TMEM181: variants seen among roughly 807,000 people sequenced by gnomAD.
TMEM181 encodes G protein-coupled receptor 178.
Under a neutral mutation model 71.9 loss-of-function variants are expected in TMEM181, and 39 were observed. The ratio of observed to expected loss-of-function variants is 0.54; its 90% CI spans 0.42 to 0.71. The LOEUF is 0.71. Ranked by LOEUF, TMEM181 falls within the 30% of genes least tolerant of loss-of-function variation. The pLI is 0.00. For synonymous variants in TMEM181, 245 were observed against 228.8 expected (o/e 1.07, Z -0.64); for missense variants, 595 against 583.0 (o/e 1.02, Z -0.21).
chr6:158,565,023 A>G (rs1384401948), intron 1 of TMEM181, among the ~76,000 whole-genome samples: 2 of 152,194 alleles, frequency 1.3e-5, no homozygotes, highest in African/African-American at 2.4e-5. Context: ...GGAGACCGAG[A>G]TGAAGGTGTC....
chr6:158,590,284 C>G (rs1333862593), intron 6 of TMEM181, among the ~76,000 whole-genome samples: 1 of 151,868 alleles, frequency 6.6e-6, no homozygotes, highest in African/African-American at 2.4e-5. Context: ...ATCATTGACT[C>G]ACGTGATTTT....
At position 158,580,943 on chromosome 6, in the gene TMEM181, C is replaced by G. The variant is rs35044164; in HGVS notation, c.116C>G (p.Pro39Arg). Residue 39 changes from proline to arginine, a missense_variant, in exon 3 of 17, where the codon CCT becomes CGT. Physicochemically the swap from Pro to Arg is moderately radical, Grantham distance 103 (BLOSUM62 -2). Transcript: ENST00000684151. ...GTCCTTTTCTGTTACACTTTAGGACCTAAAGTGATCCAGACTTCTGCGGCT... is the reference window on the plus strand; with the variant it reads ...GTCCTTTTCTGTTACACTTTAGGACGTAAAGTGATCCAGACTTCTGCGGCT... ...GLTIFVGIRG[P>R]KVIQTSAANF... The G allele has an allele frequency of 1.2e-6, 2 of 1,606,640 alleles. No homozygotes were observed. Among genetic ancestry groups the G allele is most frequent in the Non-Finnish European group, 1.7e-6 (2 of 1,173,938 alleles).
chr6:158,621,847 T>G (rs1460411480), intron 10 of TMEM181, among the ~76,000 whole-genome samples: 1 of 152,210 alleles, frequency 6.6e-6, no homozygotes, highest in African/African-American at 2.4e-5. Flanking sequence ...CAGAGCACTT[T>G]GATTACTTTG....
intron 16 of TMEM181, 94 bp from the exon 17 acceptor site, chr6:158,631,716 G>T: frequency 7.3e-7 from 1 of 1,367,668 alleles, no homozygotes; most frequent in South Asian, 1.3e-5. Context: ...GCGAAGCTAT[G>T]ATTTAATTCC....
rs113185218 is a variant in TMEM181, at chr6:158,541,278, G to A, written c.131+4413G>A. 3.3e-3 allele frequency among the ~76,000 whole-genome samples: 495 copies of A among 152,196 alleles called. 3 individuals are homozygous for A. The highest frequency in any genetic ancestry group is 5.2e-3 in the Non-Finnish European group (354 of 68,016). On this transcript the variant is annotated intron_variant, in intron 1 of 16. Transcript: ENST00000367090. ...TAAAAAAAACAAAAATTAGCAGGGC[G>A]TGATGGCGGGCGCCTGTAATCCCAG...
chr6:158,624,517 C>G (rs1349894761), intron 11 of TMEM181, among the ~76,000 whole-genome samples: 1 of 152,228 alleles, frequency 6.6e-6, no homozygotes, highest in Non-Finnish European at 1.5e-5. Context: ...CTTGTCAGAA[C>G]CCACGGGCCT....
At chr6:158,595,931 A>AT (rs560194722) in intron 6 of TMEM181, among the ~76,000 whole-genome samples, 9 of 151,548 alleles carry the variant, frequency 5.9e-5, no homozygotes, top group South Asian at 2.1e-4. Flanking sequence ...ATTTATTTTT[A>AT]TTTTTTTTGA....
intron 3 of TMEM181, among the ~76,000 whole-genome samples, chr6:158,583,567 G>A (rs761098095): frequency 6.6e-6 from 1 of 152,176 alleles, no homozygotes; most frequent in African/African-American, 2.4e-5. Flanking sequence ...TTAGGAGGCC[G>A]AGGTGGGCGG....
chr6:158,597,822 A>G (rs1784462480), intron 6 of TMEM181, among the ~76,000 whole-genome samples: 1 of 152,126 alleles, frequency 6.6e-6, no homozygotes, highest in Non-Finnish European at 1.5e-5. Flanking sequence ...CCCCTTCTAT[A>G]AGGTGCAAAT....
chr6:158,603,117 G>C (rs912160729), intron 6 of TMEM181, among the ~76,000 whole-genome samples: 2 of 152,074 alleles, frequency 1.3e-5, no homozygotes, highest in African/African-American at 4.8e-5. Flanking sequence ...CATCAAATCG[G>C]AAACATTTTG....
At chr6:158,605,368 G>A in intron 7 of TMEM181, 21 bp downstream of exon 7, 1 of 1,610,368 alleles carries the variant, frequency 6.2e-7, no homozygotes, top group Non-Finnish European at 8.5e-7. Flanking sequence ...TTCGCCTGAT[G>A]GACCGCAGCA....
chr6:158,565,509 G>C (rs1226848673), intron 1 of TMEM181, among the ~76,000 whole-genome samples: 1 of 152,224 alleles, frequency 6.6e-6, no homozygotes, highest in Non-Finnish European at 1.5e-5. Context: ...CAAAGCCAGA[G>C]CCACAGACAG....
At chr6:158,581,370 C>CT (rs1783460915) in intron 3 of TMEM181, among the ~76,000 whole-genome samples, 1 of 152,204 alleles carries the variant, frequency 6.6e-6, no homozygotes, top group African/African-American at 2.4e-5. Flanking sequence ...GAATTGGCCT[C>CT]TGTCAGATTT....
intron 6 of TMEM181, among the ~76,000 whole-genome samples, chr6:158,602,445 A>G (rs1784720271): frequency 6.6e-6 from 1 of 152,218 alleles, no homozygotes; most frequent in African/African-American, 2.4e-5. Flanking sequence ...GAAACTCACA[A>G]ACTGTTCTGC....
intron 2 of TMEM181, 115 bp from the exon 3 acceptor site, chr6:158,580,825 A>T: frequency 1.2e-6 from 1 of 851,430 alleles, no homozygotes; most frequent in Non-Finnish European, 1.9e-6. Context: ...AAGAAAAACC[A>T]GGTGAATTAA....
intron 5 of TMEM181, among the ~76,000 whole-genome samples, chr6:158,588,430 C>T (rs999840391): frequency 2.6e-5 from 4 of 152,132 alleles, no homozygotes; most frequent in Non-Finnish European, 5.9e-5. Flanking sequence ...GACAGTTGCC[C>T]TCTTGTCTTT....
chr6:158,565,574 C>T (rs1225143394), intron 1 of TMEM181, among the ~76,000 whole-genome samples: 4 of 152,184 alleles, frequency 2.6e-5, no homozygotes, highest in Non-Finnish European at 5.9e-5. Context: ...CAGTGGTTCG[C>T]TTACCATTTA....
At position 158,609,276 on chromosome 6, in the gene TMEM181, T is replaced by C. The variant is rs941006245; in HGVS notation, c.896+526T>C. ...CGGTCTTGGATAGTACTGATCCTTATATATAGCTGTTTATACCCTATGTAT... is the reference window on the plus strand; with the variant it reads ...CGGTCTTGGATAGTACTGATCCTTACATATAGCTGTTTATACCCTATGTAT... On this transcript the variant is annotated intron_variant, in intron 10 of 16. Coordinates refer to ENST00000684151, the MANE Select transcript of TMEM181 (RefSeq NM_001376852.1). Among the ~76,000 whole-genome samples the C allele has an allele frequency of 2.6e-5, 4 of 152,192 alleles. 1 individual carries two copies. The South Asian group carries it at 8.3e-4, about 32-fold the overall frequency.
At chr6:158,573,626 G>A in intron 2 of TMEM181, 103 bp downstream of exon 2, 1 of 958,312 alleles carries the variant, frequency 1.0e-6, no homozygotes, top group South Asian at 1.5e-5. Context: ...ACTGCTAAGG[G>A]CCCCAGCGTG....
Sources: allele counts gnomAD v4.1 joint callset (sites outside exome capture counted in the v4.1 genomes callset), GRCh38; gene constraint gnomAD v4.1.1; transcripts MANE v1.5; gene names NCBI Gene and HGNC (gene_info 2026-07-23, HGNC 2026-07-21).